Variants in LARP1B observed in about 807,000 individuals in gnomAD.
LARP1B encodes La ribonucleoprotein 1B.
LARP1B carries 76 observed loss-of-function variants against 114.2 expected under a neutral mutation model. That is an observed-to-expected ratio of 0.67 (90% CI 0.55 to 0.81). The LOEUF is 0.81. LARP1B is among the 30% of genes least tolerant of loss of function. The pLI, the probability that LARP1B is intolerant of heterozygous loss-of-function variation, is 0.00. For missense variants in LARP1B, 1,014 were observed against 1,075.8 expected (o/e 0.94, Z 0.80); for synonymous variants, 345 against 348.0 (o/e 0.99, Z 0.10).
At chr4:128,183,789 C>T (rs1263283656) in intron 15 of LARP1B, among the ~76,000 whole-genome samples, 1 of 152,122 alleles carries the variant, frequency 6.6e-6, no homozygotes, top group African/African-American at 2.4e-5. Flanking sequence ...TTCTACATGC[C>T]ATTAAGAACA....
chr4:128,162,312 G>A lies in LARP1B; in HGVS notation c.1643G>A (p.Arg548Lys). The A allele has an allele frequency of 6.2e-7, 1 of 1,612,068 alleles. No individual in the cohort carries two copies. Among genetic ancestry groups the A allele is most frequent in the South Asian group, 1.1e-5 (1 of 90,854 alleles). The change falls in exon 12 of 20, where the codon AGG (arginine) becomes AAG (lysine). Residue 548 changes from arginine to lysine, a missense_variant. Physicochemically the swap from Arg to Lys is conservative, Grantham distance 26. Transcript: ENST00000326639. ...QEVPVAPSQS[R>K]QGGVQGVLHI... Reference sequence around the variant, plus strand: ...GTTCCTGTAGCACCTTCACAGTCCAGGCAAGGTATGTAAATCTGCTTTTGT... The same window carrying A: ...GTTCCTGTAGCACCTTCACAGTCCAAGCAAGGTATGTAAATCTGCTTTTGT...
intron 10 of LARP1B, among the ~76,000 whole-genome samples, chr4:128,117,913 CTTTTT>C (rs35542391): frequency 3.9e-5 from 4 of 102,590 alleles, no homozygotes; most frequent in East Asian, 2.7e-4. Flanking sequence ...AACAGAAAAT[CTTTTT>C]TTTTTTTTTT....
At chr4:128,222,531 TC>T (rs1304606026) in exon 8 of LARP1B, 2 of 303,244 alleles carry the variant, frequency 6.6e-6, no homozygotes, top group Non-Finnish European at 1.4e-5. Flanking sequence ...TTACTTTTTT[TC>T]TGCCCTGGGA....
chr4:128,141,399 C>T (rs1220053676), intron 11 of LARP1B, among the ~76,000 whole-genome samples: 2 of 152,122 alleles, frequency 1.3e-5, no homozygotes, highest in African/African-American at 2.4e-5. Flanking sequence ...CACGTTACAA[C>T]GAGTTGCTCA....
rs530353178 is a variant in LARP1B at position 128,211,215 on chromosome 4, A to AT, written c.*1169dup. ...TATTCAGTTTTGCTAGTAAAAGACC[A>AT]TTTTTTTGTGTGAATGAAGTTTCAA... is the stretch of plus-strand genomic sequence containing the variant. On this transcript the variant is annotated 3_prime_UTR_variant, in exon 20 of 20. Coordinates refer to ENST00000326639, the MANE Select transcript of LARP1B (RefSeq NM_018078.4). 2.7e-5 allele frequency: 25 copies of AT among 937,996 alleles called. No homozygotes were observed. Among genetic ancestry groups the AT allele is most frequent in the South Asian group, 2.5e-4 (5 of 20,270 alleles). 58.1% of individuals were successfully genotyped at this position (937,996 alleles called of 1,614,324 possible). A position where few individuals can be genotyped will look rare whatever the true frequency, so the allele number is the denominator to read the frequency against.
intron 15 of LARP1B, among the ~76,000 whole-genome samples, chr4:128,194,095 G>A (rs1561543061): frequency 6.6e-6 from 1 of 151,394 alleles, no homozygotes; most frequent in Non-Finnish European, 1.5e-5. Flanking sequence ...TTATTGAGAT[G>A]CAGTTTCACT....
chr4:128,155,903 G>T, intron 11 of LARP1B: 5 of 1,549,570 alleles, frequency 3.2e-6, no homozygotes, highest in Non-Finnish European at 4.5e-6. Flanking sequence ...TGACCCATCT[G>T]CAAAATCCCC....
chr4:128,198,027 G>C (rs1754816369), intron 15 of LARP1B, among the ~76,000 whole-genome samples: 1 of 151,650 alleles, frequency 6.6e-6, no homozygotes, highest in Non-Finnish European at 1.5e-5. Flanking sequence ...TGGGATTACA[G>C]GTACATGCCA....
Position 128,122,957 on chromosome 4 carries a change from G to T in LARP1B, c.1524+769G>T, listed in dbSNP as rs959705450. 11 of 983,654 alleles carry T rather than the reference G, an allele frequency of 1.1e-5. No individual in the cohort carries two copies. In the African/African-American group the frequency reaches 1.9e-4, roughly 17 times the overall value. 60.9% of individuals were successfully genotyped at this position (983,654 alleles called of 1,614,324 possible). On this transcript the variant is annotated intron_variant, in intron 11 of 19. Transcript: ENST00000326639. ...TAAGTTTATCAGAAAAGCCCCAATA[G>T]TTAAATATTTGTTTTCAGTAGAGGG...
chr4:128,162,013 C>T (rs77416395), intron 11 of LARP1B, among the ~76,000 whole-genome samples, 181 bp from the exon 12 acceptor site: 4,352 of 151,954 alleles, frequency 0.029, 118 homozygotes, highest in Non-Finnish European at 0.044. Flanking sequence ...TGTTATATGC[C>T]TCTTAGATTC....
Position 128,200,557 on chromosome 4 carries a change from T to C in LARP1B, c.2201T>C (p.Met734Thr). Residue 734 changes from methionine (M) to threonine (T), a missense_variant, in exon 17 of 20, where the codon ATG becomes ACG. Coordinates refer to ENST00000326639, the MANE Select transcript of LARP1B (RefSeq NM_018078.4). ...KRLGIGQSQE[M>T]NTLFRFWSFF... ...TTGGGAATTGGTCAGTCCCAAGAAATGAATACCCTCTTTCGTTTCTGGTCC... is the reference window on the plus strand; with the variant it reads ...TTGGGAATTGGTCAGTCCCAAGAAACGAATACCCTCTTTCGTTTCTGGTCC... The C allele has an allele frequency of 6.3e-7, 1 of 1,584,238 alleles. No individual in the cohort carries two copies. Among genetic ancestry groups the C allele is most frequent in the Admixed American group, 1.8e-5 (1 of 56,004 alleles).
intron 11 of LARP1B, among the ~76,000 whole-genome samples, chr4:128,156,799 A>G (rs1735876433): frequency 6.9e-6 from 1 of 144,188 alleles, no homozygotes; most frequent in African/African-American, 2.5e-5. Context: ...AGCAGCTGCT[A>G]TTTATTTTCC....
At chr4:128,189,007 C>A (rs1007422376) in intron 15 of LARP1B, among the ~76,000 whole-genome samples, 3 of 152,074 alleles carry the variant, frequency 2.0e-5, no homozygotes, top group Non-Finnish European at 4.4e-5. Flanking sequence ...GTCACTAGGT[C>A]CAGTTGGTCT....
At chr4:128,133,618 T>A (rs1792247111) in intron 11 of LARP1B, among the ~76,000 whole-genome samples, 1 of 152,240 alleles carries the variant, frequency 6.6e-6, no homozygotes, top group Admixed American at 6.5e-5. Flanking sequence ...CAAAACCTTG[T>A]GGTACTGTCA....
At chr4:128,102,022 A>G (rs996441603) in intron 8 of LARP1B, among the ~76,000 whole-genome samples, 1 of 152,200 alleles carries the variant, frequency 6.6e-6, no homozygotes, top group African/African-American at 2.4e-5. Flanking sequence ...GATTTTTAAA[A>G]GGAAGCTTTG....
At chr4:128,072,925 C>T (rs928047305) in intron 1 of LARP1B, among the ~76,000 whole-genome samples, 10 of 152,058 alleles carry the variant, frequency 6.6e-5, no homozygotes, top group Non-Finnish European at 1.2e-4. Context: ...ACAGCTTTGT[C>T]TGATTTCTAA....
At chr4:128,094,722 A>C (rs1364914535) in intron 7 of LARP1B, among the ~76,000 whole-genome samples, 1 of 151,976 alleles carries the variant, frequency 6.6e-6, no homozygotes, top group Admixed American at 6.6e-5. Context: ...CTTGTGACTA[A>C]ATTAAATGTC....
chr4:128,171,187 G>C (rs1431819459), intron 12 of LARP1B, among the ~76,000 whole-genome samples: 2 of 151,850 alleles, frequency 1.3e-5, no homozygotes, highest in Non-Finnish European at 2.9e-5. Flanking sequence ...GGAGTGCAGT[G>C]GTCTAGTCAT....
At chr4:128,083,551 G>A (rs1406547367) in intron 5 of LARP1B, among the ~76,000 whole-genome samples, 2 of 149,258 alleles carry the variant, frequency 1.3e-5, no homozygotes, top group African/African-American at 2.5e-5. Context: ...CCTCCCGGAC[G>A]GGGCGGCTGG....
Sources: allele counts gnomAD v4.1 joint callset (sites outside exome capture counted in the v4.1 genomes callset), GRCh38; gene constraint gnomAD v4.1.1; transcripts MANE v1.5; gene names NCBI Gene and HGNC (gene_info 2026-07-23, HGNC 2026-07-21).